Variants in SGK1 observed in about 807,000 individuals in gnomAD.
The protein encoded by SGK1 is serine/threonine-protein kinase Sgk1.
SGK1 carries 26 observed loss-of-function variants against 64.2 expected under a neutral mutation model. The observed-to-expected ratio is 0.40, with a 90% CI of 0.30 to 0.56. The LOEUF (loss-of-function observed/expected upper bound fraction) is 0.56, where lower values mean the gene tolerates loss of function less well. SGK1 is among the 20% of genes least tolerant of loss of function. The pLI, the probability that SGK1 is intolerant of heterozygous loss-of-function variation, is 0.38. For synonymous variants in SGK1, 265 were observed against 239.7 expected, an observed-to-expected ratio of 1.11 and a Z score of -0.98; for missense variants, 519 against 645.6, an observed-to-expected ratio of 0.80 and a Z score of 2.12.
intron 1 of SGK1, among the ~76,000 whole-genome samples, chr6:134,284,919 T>G (rs1280360442): frequency 6.6e-6 from 1 of 152,246 alleles, no homozygotes. Flanking sequence ...TATCACATTT[T>G]TTTTATCCAC....
intron 2 of SGK1, among the ~76,000 whole-genome samples, chr6:134,235,143 C>A (rs774881203): frequency 6.6e-5 from 10 of 152,168 alleles, no homozygotes; most frequent in Non-Finnish European, 1.0e-4. Flanking sequence ...AGCATAATGG[C>A]TTTGTTCGAC....
chr6:134,268,836 G>A lies in SGK1; in HGVS notation c.70-6688C>T, dbSNP rs186358738. On this transcript the variant is annotated intron_variant, in intron 1 of 13. Coordinates refer to ENST00000367858, the MANE Select transcript of SGK1 (RefSeq NM_001143676.3). ...TACAGATACCGGGGTGAACCAGTAA[G>A]GCCCTTCATTTAACTAGACAGAAAC... Among the ~76,000 whole-genome samples the A allele has an allele frequency of 2.6e-3, 380 of 146,206 alleles. 15 individuals carry two copies. Among genetic ancestry groups the A allele is most frequent in the African/African-American group, 8.7e-3 (354 of 40,852 alleles).
At chr6:134,283,873 CAAAAAAAAAAA>C (rs35999916) in intron 1 of SGK1, among the ~76,000 whole-genome samples, 1 of 26,128 alleles carries the variant, frequency 3.8e-5, no homozygotes, top group Non-Finnish European at 7.2e-5. Flanking sequence ...CTGCCACCAC[CAAAAAAAAAAA>C]AAAAAAAAAA....
At chr6:134,261,912 C>T (rs1273437923) in intron 2 of SGK1, 21 bp downstream of exon 2, 1 of 1,562,324 alleles carries the variant, frequency 6.4e-7, no homozygotes, top group East Asian at 2.2e-5. Context: ...GAGAATAGAT[C>T]CAGAGCGAAC....
At position 134,262,152 on chromosome 6, in the gene SGK1, C is replaced by T; in HGVS notation, c.70-4G>A. The T allele has an allele frequency of 1.3e-6, 2 of 1,561,732 alleles. No homozygotes were observed. Among genetic ancestry groups the T allele is most frequent in the Non-Finnish European group, 1.7e-6 (2 of 1,149,346 alleles). On this transcript the variant is annotated splice_polypyrimidine_tract_variant and splice_region_variant and intron_variant, in intron 1 of 13. Transcript: ENST00000367858. The stretch of plus-strand genomic sequence containing the variant: ...GGCTCTTGATCCACCTTCGTACCTG[C>T]AATGTGCAAAAGGAAAGAAAAAACA...
At chr6:134,241,040 CTTTTTTTCTTTTTTTTTTT>C (rs148556230) in intron 2 of SGK1, among the ~76,000 whole-genome samples, 74,230 of 131,294 alleles carry the variant, frequency 0.57, 22,256 homozygotes, top group South Asian at 0.8. Context: ...TGTTTCTTTT[CTTTTTTTCTTTTTTTTTTT>C]TTTTTTTTGA....
At chr6:134,295,598 G>C (rs1181729892) in intron 1 of SGK1, among the ~76,000 whole-genome samples, 1 of 152,178 alleles carries the variant, frequency 6.6e-6, no homozygotes, top group African/African-American at 2.4e-5. Flanking sequence ...CAGCTACTGG[G>C]GGACTGAGGC....
intron 1 of SGK1, among the ~76,000 whole-genome samples, chr6:134,284,491 C>CTTTCTTTT (rs1554227172): frequency 7.0e-6 from 1 of 143,064 alleles, no homozygotes; most frequent in Non-Finnish European, 1.5e-5. Context: ...TTCTTTCTTT[C>CTTTCTTTT]TTTTTTTTTT....
Position 134,172,895 on chromosome 6 carries a change from A to C in SGK1, c.835-121T>G. The C allele has an allele frequency of 4.8e-6, 6 of 1,258,004 alleles. No homozygotes were observed. The Admixed American group carries it at 1.2e-4, about 24-fold the overall frequency. 77.9% of individuals were successfully genotyped at this position (1,258,004 alleles called of 1,614,324 possible). On this transcript the variant is annotated intron_variant, in intron 8 of 13. Coordinates refer to ENST00000367858, the MANE Select transcript of SGK1 (RefSeq NM_001143676.3). ...GTAATCTATTAACTATAAACCTGAC[A>C]GGTTGAAGGAAATGCTAATTCTGGT... is the stretch of plus-strand genomic sequence containing the variant.
chr6:134,227,675 G>A (rs1776206342), intron 2 of SGK1, among the ~76,000 whole-genome samples: 1 of 152,178 alleles, frequency 6.6e-6, no homozygotes, highest in Non-Finnish European at 1.5e-5. Context: ...TATGAGGAAG[G>A]TATAATTGTC....
At chr6:134,314,273 A>G (rs948569617) in intron 1 of SGK1, among the ~76,000 whole-genome samples, 1 of 151,854 alleles carries the variant, frequency 6.6e-6, no homozygotes, top group African/African-American at 2.4e-5. Context: ...AGTATTAAGG[A>G]CTAGAAAGGA....
intron 2 of SGK1, among the ~76,000 whole-genome samples, chr6:134,240,469 C>G (rs1188670246): frequency 6.7e-6 from 1 of 150,220 alleles, no homozygotes; most frequent in Non-Finnish European, 1.5e-5. Flanking sequence ...GCATTTTGGC[C>G]AGTTAAATAT....
intron 2 of SGK1, among the ~76,000 whole-genome samples, chr6:134,239,997 G>A (rs1397084254): frequency 3.3e-5 from 5 of 152,054 alleles, no homozygotes; most frequent in Admixed American, 3.3e-4. Context: ...GCCCTAGTCA[G>A]GAGGGAACTG....
intron 3 of SGK1, among the ~76,000 whole-genome samples, chr6:134,193,024 G>T (rs1341844196): frequency 6.6e-6 from 1 of 152,134 alleles, no homozygotes; most frequent in East Asian, 1.9e-4. Context: ...GTTAAAAATT[G>T]TGTTTACATT....
chr6:134,188,409 G>A lies in SGK1; in HGVS notation c.362-13823C>T, dbSNP rs189855896. 5.1e-3 allele frequency among the ~76,000 whole-genome samples: 782 copies of A among 152,230 alleles called. 16 individuals are homozygous for A. Among genetic ancestry groups the A allele is most frequent in the Non-Finnish European group, 1.8e-3 (121 of 68,028 alleles). ...TTACAAGCAAAATGAACAACCAGGT[G>A]CTCGAGGTTCTGCTCACTGTGCGGG... On this transcript the variant is annotated intron_variant, in intron 3 of 13. Transcript: ENST00000367858.
intron 2 of SGK1, among the ~76,000 whole-genome samples, chr6:134,219,413 G>C (rs1178035206): frequency 6.6e-6 from 1 of 151,966 alleles, no homozygotes; most frequent in South Asian, 2.1e-4. Context: ...TTGGAGTTTC[G>C]ACCTGAGATT....
Position 134,190,320 on chromosome 6 carries a change from G to C in SGK1, c.362-15734C>G, listed in dbSNP as rs1457904688. On this transcript the variant is annotated intron_variant, in intron 3 of 13. Transcript: ENST00000367858. ...TTTTTTTTTGAGATAGAGTCTGGCT[G>C]TATCACCCAGGCTAGAGTTCAGTGG... is the stretch of plus-strand genomic sequence containing the variant. Among the ~76,000 whole-genome samples, 3 of 139,868 alleles carry C rather than the reference G, an allele frequency of 2.1e-5. No individual in the cohort carries two copies. In the East Asian group the frequency reaches 6.4e-4, roughly 30 times the overall value. The allele number at this position is 139,868 out of a possible 152,430, so 91.8% of individuals were successfully genotyped here. A position where few individuals can be genotyped will look rare whatever the true frequency, so the allele number is the denominator to read the frequency against.
At chr6:134,225,380 T>C (rs1479551818) in intron 2 of SGK1, among the ~76,000 whole-genome samples, 2 of 144,140 alleles carry the variant, frequency 1.4e-5, no homozygotes. Context: ...AAAAGAAATA[T>C]AATTGTGGAT....
chr6:134,295,689 T>C, intron 1 of SGK1, among the ~76,000 whole-genome samples: 1 of 140,780 alleles, frequency 7.1e-6, no homozygotes, highest in East Asian at 2.0e-4. Context: ...GACAACAGAG[T>C]GAGACTCCAT....
Sources: allele counts gnomAD v4.1 joint callset (sites outside exome capture counted in the v4.1 genomes callset), GRCh38; gene constraint gnomAD v4.1.1; transcripts MANE v1.5; gene names NCBI Gene and HGNC (gene_info 2026-07-23, HGNC 2026-07-21).